Variants in CEBPZ observed in about 807,000 individuals in gnomAD.
CEBPZ encodes CCAAT/enhancer-binding protein zeta.
In CEBPZ, 78 loss-of-function variants were observed where a neutral mutation model predicts 104.5. That is an observed-to-expected ratio of 0.75 (90% CI 0.62 to 0.90). The LOEUF (loss-of-function observed/expected upper bound fraction) is 0.90. CEBPZ is among the 40% of genes least tolerant of loss of function. The pLI is 0.00. For synonymous variants in CEBPZ, 470 were observed against 427.0 expected, an observed-to-expected ratio of 1.10 and a Z score of -1.24; for missense variants, 1,439 against 1,233.5, an observed-to-expected ratio of 1.17 and a Z score of -2.50.
At chr2:37,208,437 T>C (rs1677610722) in intron 13 of CEBPZ, among the ~76,000 whole-genome samples, 1 of 152,112 alleles carries the variant, frequency 6.6e-6, no homozygotes, top group African/African-American at 2.4e-5. Context: ...ATCAAAAAGA[T>C]AATACACCAT....
intron 6 of CEBPZ, among the ~76,000 whole-genome samples, 164 bp from the exon 7 acceptor site, chr2:37,216,582 AT>A (rs1201106374): frequency 6.6e-6 from 1 of 152,254 alleles, no homozygotes; most frequent in Non-Finnish European, 1.5e-5. Flanking sequence ...TACTTAAAAA[AT>A]TAAACACACA....
At position 37,222,374 on chromosome 2, in the gene CEBPZ, A is replaced by C. The variant is rs562628630; in HGVS notation, c.2065+6T>G. ...TCCCTAGAGAATAAAGATGAAAAAA[A>C]CTCACCTTTCAAATTATCAAAGTGC... is the stretch of plus-strand genomic sequence containing the variant. On this transcript the variant is annotated splice_donor_region_variant and intron_variant, in intron 4 of 15. Coordinates refer to ENST00000234170, the MANE Select transcript of CEBPZ (RefSeq NM_005760.3). 11 of 1,569,094 alleles carry C rather than the reference A, an allele frequency of 7.0e-6. No homozygotes were observed. Among genetic ancestry groups the C allele is most frequent in the Non-Finnish European group, 8.6e-6 (10 of 1,164,512 alleles).
At chr2:37,215,005 T>A (rs1677834138) in intron 8 of CEBPZ, 53 bp from the exon 9 acceptor site, 2 of 1,151,922 alleles carry the variant, frequency 1.7e-6, no homozygotes, top group African/African-American at 3.1e-5. Context: ...CCCTTTATGT[T>A]ACTCAAGCTC....
chr2:37,223,364 G>C lies in CEBPZ; in HGVS notation c.1687C>G (p.Gln563Glu), dbSNP rs1180720166. 1 of 1,614,000 alleles carries C rather than the reference G, an allele frequency of 6.2e-7. No homozygotes were observed. The highest frequency in any genetic ancestry group is 2.2e-5 in the East Asian group (1 of 44,886). ...TAGACAAGGTTAAGAAACATAGCTTGCTTGGAACACGTCATCAACCCTGGA... is the reference window on the plus strand; with the variant it reads ...TAGACAAGGTTAAGAAACATAGCTTCCTTGGAACACGTCATCAACCCTGGA... ...LDPGLMTCSKQAMFLNLVYKS... is the reference protein window; with the variant it reads ...LDPGLMTCSKEAMFLNLVYKS... The change falls in exon 3 of 16, where the codon CAA becomes GAA. Residue 563 changes from glutamine (Q) to glutamate (E), a missense_variant. Physicochemically the swap from Gln to Glu is conservative, Grantham distance 29. Transcript: ENST00000234170.
intron 10 of CEBPZ, among the ~76,000 whole-genome samples, chr2:37,212,845 A>AC (rs1677767261): frequency 6.7e-6 from 1 of 149,730 alleles, no homozygotes; most frequent in South Asian, 2.1e-4. Context: ...TAAAAAAAAA[A>AC]AAAAAACAAA....
intron 4 of CEBPZ, among the ~76,000 whole-genome samples, chr2:37,221,009 G>GTTT (rs1664758419): frequency 6.6e-6 from 1 of 152,022 alleles, no homozygotes; most frequent in Non-Finnish European, 1.5e-5. Flanking sequence ...AAATAAGTAA[G>GTTT]TAAAAGCTCC....
chr2:37,213,202 C>G (rs1349858710), intron 10 of CEBPZ, among the ~76,000 whole-genome samples: 1 of 152,142 alleles, frequency 6.6e-6, no homozygotes, highest in African/African-American at 2.4e-5. Context: ...AAAGATCAAA[C>G]AGTAGACTAT....
rs1664927410 is a variant in CEBPZ, at chr2:37,227,826, T to G, written c.1367A>C (p.Glu456Ala). The change falls in exon 2 of 16, where the codon GAA becomes GCA. Residue 456 changes from glutamate (E) to alanine (A), a missense_variant. Coordinates refer to ENST00000234170, the MANE Select transcript of CEBPZ (RefSeq NM_005760.3). ...AACAGTTATTAATTTGTTAGCCAAT[T>G]CACTTTCTTCATGGGACAGAGCCAT... ...NQMALSHEES[E>A]LANKLITVYF... The G allele has an allele frequency of 6.2e-7, 1 of 1,614,150 alleles. No homozygotes were observed. Among genetic ancestry groups the G allele is most frequent in the African/African-American group, 1.3e-5 (1 of 75,056 alleles).
At chr2:37,215,979 G>T in intron 8 of CEBPZ, 161 bp downstream of exon 8, 1 of 468,966 alleles carries the variant, frequency 2.1e-6, no homozygotes. Context: ...GGCCCAGTCA[G>T]ATACAGTAGA....
At chr2:37,211,330 T>C (rs1341283742) in intron 12 of CEBPZ, 1 of 331,154 alleles carries the variant, frequency 3.0e-6, no homozygotes, top group Admixed American at 4.7e-5. Flanking sequence ...GACCAAATAA[T>C]ATAAAACCCC....
At chr2:37,221,117 C>T (rs529431263) in intron 4 of CEBPZ, among the ~76,000 whole-genome samples, 2 of 152,170 alleles carry the variant, frequency 1.3e-5, no homozygotes, top group African/African-American at 2.4e-5. Context: ...ACCAAGAGCT[C>T]GAGACCAGCC....
chr2:37,223,699 A>C (rs1664820262), intron 2 of CEBPZ, among the ~76,000 whole-genome samples: 1 of 152,212 alleles, frequency 6.6e-6, no homozygotes, highest in Non-Finnish European at 1.5e-5. Flanking sequence ...CAGCCCTAAC[A>C]GTATTTACAG....
chr2:37,211,132 G>A (rs201041713), intron 12 of CEBPZ, 50 bp from the exon 13 acceptor site: 43 of 1,190,856 alleles, frequency 3.6e-5, no homozygotes, highest in Non-Finnish European at 5.0e-5. Context: ...CAATAAGACT[G>A]GAAAATATTA....
chr2:37,216,091 T>C, intron 8 of CEBPZ, 49 bp downstream of exon 8: 1 of 1,322,916 alleles, frequency 7.6e-7, no homozygotes, highest in South Asian at 1.3e-5. Context: ...TTATGCATCT[T>C]TGTCTTATAT....
At chr2:37,202,695 A>C (rs1677328423) in intron 15 of CEBPZ, 89 bp downstream of exon 15, 5 of 202,676 alleles carry the variant, frequency 2.5e-5, no homozygotes. Flanking sequence ...AAAAAAAAGA[A>C]TAAATAAAAT....
chr2:37,231,366 G>C (rs780993100), intron 1 of CEBPZ, 46 bp downstream of exon 1: 1 of 1,611,490 alleles, frequency 6.2e-7, no homozygotes, highest in South Asian at 1.1e-5. Flanking sequence ...GCCACCTTCG[G>C]AACTCTCCAC....
chr2:37,217,257 T>A (rs1369565097), intron 5 of CEBPZ, among the ~76,000 whole-genome samples: 5 of 151,498 alleles, frequency 3.3e-5, no homozygotes, highest in Non-Finnish European at 5.9e-5. Context: ...ATAGTCAGGG[T>A]GTGATGGTGC....
intron 2 of CEBPZ, among the ~76,000 whole-genome samples, chr2:37,224,600 A>G (rs1664842825): frequency 6.6e-6 from 1 of 151,596 alleles, no homozygotes; most frequent in African/African-American, 2.4e-5. Context: ...CAACATTTCC[A>G]TCCATTTTGC....
chr2:37,223,526 A>G (rs1365216486), intron 2 of CEBPZ, 125 bp from the exon 3 acceptor site: 3 of 766,206 alleles, frequency 3.9e-6, no homozygotes, highest in African/African-American at 3.5e-5. Context: ...ATTTTAGAAC[A>G]AGAGACCCTG....
Sources: gnomAD v4.1 joint callset for allele counts (sites outside exome capture counted in the v4.1 genomes callset) on GRCh38, gnomAD v4.1.1 for gene constraint, MANE v1.5 for transcripts, NCBI Gene and HGNC (gene_info 2026-07-23, HGNC 2026-07-21) for gene names.